The following PTPRO variants were observed in gnomAD, a reference collection of about 807,000 sequenced individuals.
The protein encoded by PTPRO is protein tyrosine phosphatase receptor type O, also known as receptor-type tyrosine-protein phosphatase O.
A neutral mutation model predicts 145.2 loss-of-function variants in PTPRO; 62 were observed. The observed-to-expected ratio is 0.43, with a 90% CI of 0.35 to 0.53. PTPRO has a LOEUF of 0.53. Among genes scored for constraint, PTPRO ranks in the 20% least tolerant of loss-of-function variants. The pLI, the probability that PTPRO is intolerant of heterozygous loss-of-function variation, is 0.01. For missense variants in PTPRO, 1,345 were observed against 1,482.7 expected, an observed-to-expected ratio of 0.91 and a Z score of 1.53; for synonymous variants, 565 against 514.7, an observed-to-expected ratio of 1.10 and a Z score of -1.32.
intron 1 of PTPRO, among the ~76,000 whole-genome samples, chr12:15,476,256 G>A (rs921142938): frequency 6.6e-5 from 10 of 152,094 alleles, no homozygotes; most frequent in Non-Finnish European, 1.3e-4. Context: ...GAGGCCAACC[G>A]ACATATTACT....
chr12:15,491,973 T>C (rs1299078020), intron 2 of PTPRO, among the ~76,000 whole-genome samples: 1 of 151,558 alleles, frequency 6.6e-6, no homozygotes, highest in Non-Finnish European at 1.5e-5. Context: ...AACAAAAACA[T>C]ACATAAAGAC....
chr12:15,544,506 CAAAAAAAAA>C (rs61249816), intron 12 of PTPRO, among the ~76,000 whole-genome samples: 2 of 73,236 alleles, frequency 2.7e-5, no homozygotes, highest in African/African-American at 1.1e-4. Context: ...GACTCCATCT[CAAAAAAAAA>C]AAAAAAAAAA....
intron 1 of PTPRO, among the ~76,000 whole-genome samples, chr12:15,383,361 A>G (rs891403350): frequency 6.6e-6 from 1 of 152,176 alleles, no homozygotes; most frequent in Non-Finnish European, 1.5e-5. Flanking sequence ...TAAAAAATCT[A>G]TTTGTCTATT....
At chr12:15,411,485 A>C (rs547438714) in intron 1 of PTPRO, among the ~76,000 whole-genome samples, 8 of 152,316 alleles carry the variant, frequency 5.3e-5, no homozygotes, top group African/African-American at 1.9e-4. Flanking sequence ...GGAACAGAAA[A>C]GGTGAGACTG....
intron 1 of PTPRO, among the ~76,000 whole-genome samples, chr12:15,347,401 G>A (rs1440436623): frequency 6.6e-6 from 1 of 151,978 alleles, no homozygotes; most frequent in Non-Finnish European, 1.5e-5. Context: ...TCCCAACCAG[G>A]CAATAAATAT....
intron 22 of PTPRO, among the ~76,000 whole-genome samples, chr12:15,581,070 T>C (rs1944302706): frequency 6.6e-6 from 1 of 152,190 alleles, no homozygotes; most frequent in Non-Finnish European, 1.5e-5. Flanking sequence ...GGAGAAATAT[T>C]GCATATTGTT....
At chr12:15,363,520 T>C (rs1482999861) in intron 1 of PTPRO, among the ~76,000 whole-genome samples, 1 of 152,140 alleles carries the variant, frequency 6.6e-6, no homozygotes, top group African/African-American at 2.4e-5. Flanking sequence ...TAAGGTCCTA[T>C]ACTTGAGTCC....
chr12:15,578,354 T>C (rs1368162495), intron 19 of PTPRO, among the ~76,000 whole-genome samples: 1 of 152,234 alleles, frequency 6.6e-6, no homozygotes, highest in African/African-American at 2.4e-5. Flanking sequence ...GTTATACATA[T>C]AGTTCTTACT....
At chr12:15,359,435 T>C (rs1353414741) in intron 1 of PTPRO, among the ~76,000 whole-genome samples, 1 of 146,288 alleles carries the variant, frequency 6.8e-6, no homozygotes, top group African/African-American at 2.5e-5. Flanking sequence ...TTTTTTTTTT[T>C]TTTTTTTGAG....
intron 12 of PTPRO, among the ~76,000 whole-genome samples, chr12:15,529,283 A>C (rs1202821263): frequency 1.3e-5 from 2 of 152,114 alleles, no homozygotes; most frequent in Admixed American, 1.3e-4. Flanking sequence ...GATGAAGTTA[A>C]ATTTTTAGGT....
At chr12:15,351,509 A>G (rs1415508165) in intron 1 of PTPRO, among the ~76,000 whole-genome samples, 1 of 152,162 alleles carries the variant, frequency 6.6e-6, no homozygotes, top group Non-Finnish European at 1.5e-5. Context: ...TATATGGAAC[A>G]GGGAAACAGA....
chr12:15,390,490 C>A (rs1015582120), intron 1 of PTPRO, among the ~76,000 whole-genome samples: 3 of 151,936 alleles, frequency 2.0e-5, no homozygotes, highest in East Asian at 1.9e-4. Flanking sequence ...TTCACTATCA[C>A]GAGAATAGCA....
intron 10 of PTPRO, among the ~76,000 whole-genome samples, chr12:15,523,879 C>G (rs997499966): frequency 6.6e-6 from 1 of 151,880 alleles, no homozygotes; most frequent in East Asian, 1.9e-4. Context: ...CTCACTGCAG[C>G]CTGGATCTCC....
rs575269455 is a variant in PTPRO at position 15,408,617 on chromosome 12, A to G, written c.76-75357A>G. ...TAATTTTTGTATTTTTAGTAGAGACAGGGTTTCACCATGTTGGCCAGGCTG... is the reference window on the plus strand; with the variant it reads ...TAATTTTTGTATTTTTAGTAGAGACGGGGTTTCACCATGTTGGCCAGGCTG... On this transcript the variant is annotated intron_variant, in intron 1 of 26. Transcript: ENST00000281171. 2.6e-5 allele frequency among the ~76,000 whole-genome samples: 4 copies of G among 152,176 alleles called. No homozygotes were observed. The South Asian group carries it at 8.3e-4, about 32-fold the overall frequency.
chr12:15,479,713 A>C (rs951683270), intron 1 of PTPRO, among the ~76,000 whole-genome samples: 2 of 152,228 alleles, frequency 1.3e-5, no homozygotes, highest in Admixed American at 1.3e-4. Flanking sequence ...AGCAGAATAC[A>C]CTGGTCTTGA....
Position 15,354,364 on chromosome 12 carries a change from A to G in PTPRO, c.75+31563A>G, listed in dbSNP as rs572465214. 3.9e-5 allele frequency among the ~76,000 whole-genome samples: 6 copies of G among 152,286 alleles called. No individual in the cohort carries two copies. The South Asian group carries it at 6.2e-4, about 16-fold the overall frequency. Reference sequence around the variant, plus strand: ...TCTTGCCTTAATTTTAGCAGAATTCATGTTGCTTTCACAGGGGGTCTTTTC... The same window carrying G: ...TCTTGCCTTAATTTTAGCAGAATTCGTGTTGCTTTCACAGGGGGTCTTTTC... On this transcript the variant is annotated intron_variant, in intron 1 of 26. Coordinates refer to ENST00000281171, the MANE Select transcript of PTPRO (RefSeq NM_030667.3).
chr12:15,328,927 G>A (rs777544286), intron 1 of PTPRO, among the ~76,000 whole-genome samples: 3 of 152,168 alleles, frequency 2.0e-5, no homozygotes, highest in Non-Finnish European at 4.4e-5. Context: ...TTATCTACAA[G>A]TAGTGGTGCA....
At chr12:15,475,815 G>A (rs1004160981) in intron 1 of PTPRO, among the ~76,000 whole-genome samples, 1 of 151,952 alleles carries the variant, frequency 6.6e-6, no homozygotes, top group African/African-American at 2.4e-5. Context: ...GTACTTAGCA[G>A]GCTGTGTGGT....
intron 5 of PTPRO, among the ~76,000 whole-genome samples, chr12:15,503,406 AT>A (rs1437499360): frequency 1.3e-5 from 2 of 152,262 alleles, no homozygotes; most frequent in Non-Finnish European, 1.5e-5. Flanking sequence ...CATGATTATT[AT>A]TTTTTTAATT....
Sources: gnomAD v4.1 joint callset for allele counts (sites outside exome capture counted in the v4.1 genomes callset) on GRCh38, gnomAD v4.1.1 for gene constraint, MANE v1.5 for transcripts, NCBI Gene and HGNC (gene_info 2026-07-23, HGNC 2026-07-21) for gene names.